ITGA2: variants seen among roughly 807,000 people sequenced by gnomAD.
The protein encoded by ITGA2 is integrin subunit alpha 2.
In ITGA2, 101 loss-of-function variants were observed where a neutral mutation model predicts 146.3. The observed-to-expected ratio is 0.69, with a 90% CI of 0.59 to 0.81. The LOEUF (loss-of-function observed/expected upper bound fraction) is 0.81, where lower values mean the gene tolerates loss of function less well. Ranked by LOEUF, ITGA2 falls within the 40% of genes least tolerant of loss-of-function variation. ITGA2 has a pLI of 0.00. For missense variants in ITGA2, 1,281 were observed against 1,402.7 expected (o/e 0.91, Z 1.39); for synonymous variants, 477 against 487.1 (o/e 0.98, Z 0.27).
At chr5:53,062,440 C>A (rs1417299501) in intron 12 of ITGA2, among the ~76,000 whole-genome samples, 1 of 151,860 alleles carries the variant, frequency 6.6e-6, no homozygotes, top group African/African-American at 2.4e-5. Context: ...ATAAGTATGT[C>A]TTTGACCCCC....
intron 28 of ITGA2, among the ~76,000 whole-genome samples, chr5:53,089,664 G>C (rs1015357705): frequency 2.0e-5 from 3 of 152,186 alleles, no homozygotes; most frequent in Non-Finnish European, 4.4e-5. Flanking sequence ...TATTTCATAA[G>C]TAAGATAAGC....
intron 26 of ITGA2, among the ~76,000 whole-genome samples, chr5:53,082,947 C>G (rs962951212): frequency 6.6e-6 from 1 of 152,074 alleles, no homozygotes; most frequent in African/African-American, 2.4e-5. Flanking sequence ...ACATTTTGTG[C>G]ATGTTTACTA....
intron 1 of ITGA2, among the ~76,000 whole-genome samples, chr5:52,996,115 T>A (rs1199806737): frequency 2.0e-5 from 3 of 152,014 alleles, no homozygotes; most frequent in Non-Finnish European, 2.9e-5. Context: ...TGAGAAAGTT[T>A]GGTATGATAG....
chr5:53,015,439 T>C (rs1156687561), intron 1 of ITGA2, among the ~76,000 whole-genome samples: 1 of 150,612 alleles, frequency 6.6e-6, no homozygotes, highest in East Asian at 2.0e-4. Flanking sequence ...TCTATTTTTA[T>C]TGTGCTGTGG....
chr5:53,052,739 ACAAACTTC>A (rs1440698397), intron 7 of ITGA2, among the ~76,000 whole-genome samples: 1 of 152,068 alleles, frequency 6.6e-6, no homozygotes, highest in Non-Finnish European at 1.5e-5. Flanking sequence ...CCATGACACC[ACAAACTTC>A]TCGAACTCCT....
intron 1 of ITGA2, among the ~76,000 whole-genome samples, chr5:53,016,298 A>G (rs1188979559): frequency 2.0e-5 from 3 of 152,178 alleles, no homozygotes; most frequent in Non-Finnish European, 4.4e-5. Flanking sequence ...TAATTCCCTT[A>G]GCATTTGCTT....
At chr5:53,059,847 A>G (rs370106295) in intron 10 of ITGA2, 27 bp from the exon 11 acceptor site, 12 of 1,608,794 alleles carry the variant, frequency 7.5e-6, no homozygotes, top group East Asian at 4.5e-5. Flanking sequence ...ATTTGTTTCA[A>G]TGATCTTCAT....
chr5:53,048,026 A>G (rs1361255796), intron 4 of ITGA2, among the ~76,000 whole-genome samples: 1 of 152,156 alleles, frequency 6.6e-6, no homozygotes, highest in Non-Finnish European at 1.5e-5. Context: ...CAAAAAGTGA[A>G]CCTGCATGCA....
intron 2 of ITGA2, among the ~76,000 whole-genome samples, chr5:53,039,262 G>T (rs1196503480): frequency 1.3e-5 from 2 of 152,112 alleles, no homozygotes; most frequent in Non-Finnish European, 2.9e-5. Context: ...TTGCTATAAG[G>T]TGCTATTTTG....
At chr5:53,034,893 T>G (rs1743409187) in intron 2 of ITGA2, among the ~76,000 whole-genome samples, 1 of 152,156 alleles carries the variant, frequency 6.6e-6, no homozygotes, top group Non-Finnish European at 1.5e-5. Context: ...CTTAATATGG[T>G]AAAAAGAACC....
chr5:53,002,089 A>G (rs1221292597), intron 1 of ITGA2, among the ~76,000 whole-genome samples: 1 of 152,100 alleles, frequency 6.6e-6, no homozygotes, highest in Non-Finnish European at 1.5e-5. Context: ...TCCTCATACT[A>G]TTTATTGATG....
chr5:52,993,804 C>T (rs1741089552), intron 1 of ITGA2, among the ~76,000 whole-genome samples: 1 of 152,186 alleles, frequency 6.6e-6, no homozygotes, highest in Non-Finnish European at 1.5e-5. Context: ...ATAAATTCTA[C>T]CACTAAAGCC....
At chr5:53,034,407 CAA>C (rs34063396) in intron 2 of ITGA2, among the ~76,000 whole-genome samples, 51,135 of 143,436 alleles carry the variant, frequency 0.36, 8,809 homozygotes, top group Middle Eastern at 0.4. Flanking sequence ...GACTCCAACT[CAA>C]AAAAAAAAAA....
chr5:53,032,577 A>G (rs1743276589), intron 2 of ITGA2, among the ~76,000 whole-genome samples: 2 of 152,212 alleles, frequency 1.3e-5, no homozygotes, highest in African/African-American at 4.8e-5. Context: ...AAACGTACAT[A>G]TTTTTGTAAG....
intron 12 of ITGA2, among the ~76,000 whole-genome samples, chr5:53,062,120 T>C (rs2111966072): frequency 6.6e-6 from 1 of 151,954 alleles, no homozygotes; most frequent in Admixed American, 6.6e-5. Context: ...CTCCACCTTG[T>C]CCTCCTGTCC....
rs371722582 is a variant in ITGA2 at position 53,026,719 on chromosome 5, T to G, written c.65-29T>G. ...CACACTTATATTCATGAATTGTAAA[T>G]ATGTGCTATTTCATATTTTTCTTAA... On this transcript the variant is annotated intron_variant, in intron 1 of 29. Transcript: ENST00000296585. 8 of 1,585,718 alleles carry G rather than the reference T, an allele frequency of 5.0e-6. No individual in the cohort carries two copies. In the African/African-American group the frequency reaches 6.7e-5, roughly 13 times the overall value.
At chr5:53,012,521 C>T (rs1009265432) in intron 1 of ITGA2, among the ~76,000 whole-genome samples, 5 of 152,090 alleles carry the variant, frequency 3.3e-5, no homozygotes, top group African/African-American at 9.7e-5. Context: ...TTTAGGTTGA[C>T]TCCATGTCTT....
intron 12 of ITGA2, among the ~76,000 whole-genome samples, chr5:53,062,229 G>A (rs1744934113): frequency 6.6e-6 from 1 of 151,810 alleles, no homozygotes; most frequent in African/African-American, 2.4e-5. Context: ...AAAACTCCAT[G>A]TCCTTCTTAC....
At position 53,072,697 on chromosome 5, in the gene ITGA2, T is replaced by G. The variant is rs774131464; in HGVS notation, c.2429+2T>G. The G allele has an allele frequency of 1.9e-5, 30 of 1,603,464 alleles. No individual in the cohort carries two copies. In the Admixed American group the frequency reaches 3.7e-4, roughly 20 times the overall value. ...TGTCCGACAAATACCAGCTGCTCAG[T>G]AAGTTTTACTTTAAAGCTTGTTGTA... On this transcript the variant is annotated splice_donor_variant, in intron 19 of 29. Transcript: ENST00000296585. LOFTEE classifies it high-confidence loss of function.
Sources: allele counts gnomAD v4.1 joint callset (sites outside exome capture counted in the v4.1 genomes callset), GRCh38; gene constraint gnomAD v4.1.1; transcripts MANE v1.5; gene names NCBI Gene and HGNC (gene_info 2026-07-23, HGNC 2026-07-21).